ZFHX3: variants seen among roughly 807,000 people sequenced by gnomAD.
ZFHX3 encodes the protein zinc finger homeobox protein 3.
Under a neutral mutation model 279.1 loss-of-function variants are expected in ZFHX3, and 42 were observed. The observed-to-expected ratio is 0.15, with a 90% CI of 0.12 to 0.19. The LOEUF (loss-of-function observed/expected upper bound fraction) is 0.19. ZFHX3 is among the 10% of genes least tolerant of loss of function. ZFHX3 has a pLI of 1.00. For synonymous variants in ZFHX3, 2,293 were observed against 1,957.8 expected, an observed-to-expected ratio of 1.17 and a Z score of -4.52; for missense variants, 4,981 against 4,754.0, an observed-to-expected ratio of 1.05 and a Z score of -1.40.
chr16:73,062,704 T>C (rs914146881), upstream of ZFHX3, among the ~76,000 whole-genome samples: 7 of 141,414 alleles, frequency 4.9e-5, no homozygotes, highest in African/African-American at 1.1e-4. Context: ...TGCAGGGAGA[T>C]TGGGGACACA....
chr16:72,820,658 C>T (rs1174508296), intron 5 of ZFHX3, among the ~76,000 whole-genome samples: 3 of 152,170 alleles, frequency 2.0e-5, no homozygotes, highest in African/African-American at 7.2e-5. Flanking sequence ...GCTGTCTTCC[C>T]CTGGCATAGC....
intron 5 of ZFHX3, among the ~76,000 whole-genome samples, chr16:73,185,425 AC>A (rs1941917995): frequency 6.6e-6 from 1 of 152,192 alleles, no homozygotes; most frequent in Admixed American, 6.5e-5. Context: ...AAAGGGCGGA[AC>A]CCAAGTCTAA....
At chr16:73,494,537 C>T (rs2019105852) in intron 2 of ZFHX3, among the ~76,000 whole-genome samples, 1 of 152,026 alleles carries the variant, frequency 6.6e-6, no homozygotes, top group African/African-American at 2.4e-5. Context: ...ATTAAAACTC[C>T]CCAACCCAGG....
intron 1 of ZFHX3, among the ~76,000 whole-genome samples, chr16:73,057,548 A>G (rs77635810): frequency 0.044 from 6,570 of 149,600 alleles, 148 homozygotes; most frequent in African/African-American, 0.065. Context: ...AAAAAAAAAA[A>G]AAGAAGAAGA....
At chr16:73,259,533 A>T (rs2013758446) in intron 4 of ZFHX3, among the ~76,000 whole-genome samples, 1 of 152,214 alleles carries the variant, frequency 6.6e-6, no homozygotes, top group Admixed American at 6.5e-5. Context: ...TCCTGGTGTA[A>T]TATACGAATG....
intron 4 of ZFHX3, among the ~76,000 whole-genome samples, chr16:72,888,814 G>T (rs557985469): frequency 6.6e-6 from 1 of 152,302 alleles, no homozygotes; most frequent in Admixed American, 6.5e-5. Context: ...GTTGTAGGAG[G>T]TTGAGACATG....
In ZFHX3 at chr16:72,825,430, G is replaced by A. The variant is rs978579990; in HGVS notation, c.3529+4349C>T. Among the ~76,000 whole-genome samples, 19 of 152,218 alleles carry A rather than the reference G, an allele frequency of 1.2e-4. 1 individual carries two copies. Among genetic ancestry groups the A allele is most frequent in the Admixed American group, 1.0e-3 (16 of 15,280 alleles). On this transcript the variant is annotated intron_variant, in intron 5 of 9. Coordinates refer to ENST00000268489, the MANE Select transcript of ZFHX3 (RefSeq NM_006885.4). Reference sequence around the variant, plus strand: ...AGAGATGGTATATTGGTAAGAGCTTGGGCTCTGTCCTAAGTTAGAATAAGT... The same window carrying A: ...AGAGATGGTATATTGGTAAGAGCTTAGGCTCTGTCCTAAGTTAGAATAAGT...
At chr16:73,776,766 G>A (rs984288162) in intron 1 of ZFHX3, among the ~76,000 whole-genome samples, 2 of 152,124 alleles carry the variant, frequency 1.3e-5, no homozygotes, top group African/African-American at 4.8e-5. Flanking sequence ...AGCCATGATT[G>A]CAAATAAAGG....
intron 5 of ZFHX3, chr16:72,829,573 C>T: frequency 1.9e-6 from 1 of 536,902 alleles, no homozygotes; most frequent in Non-Finnish European, 3.3e-6. Context: ...TTAAAAACTA[C>T]AGTATAATGT....
At chr16:73,131,512 G>T (rs1477030334) in intron 6 of ZFHX3, among the ~76,000 whole-genome samples, 2 of 152,180 alleles carry the variant, frequency 1.3e-5, no homozygotes, top group African/African-American at 4.8e-5. Flanking sequence ...AGTCAGACAG[G>T]GTACTTTTAA....
At chr16:73,173,008 G>GTTTTTTTTTTTTTTTTTTTT (rs869289153) in intron 5 of ZFHX3, among the ~76,000 whole-genome samples, 29 of 49,916 alleles carry the variant, frequency 5.8e-4, no homozygotes, top group East Asian at 2.1e-3. Flanking sequence ...TTTTTTTTTT[G>GTTTTTTTTTTTTTTTTTTTT]TTTTTTTTTT....
chr16:73,889,459 C>G (rs1209169405), intron 1 of ZFHX3, among the ~76,000 whole-genome samples: 1 of 152,084 alleles, frequency 6.6e-6, no homozygotes, highest in Non-Finnish European at 1.5e-5. Context: ...CAGTGCATCT[C>G]CCAGAGAATG....
At chr16:73,431,065 A>C (rs2017902060) in intron 3 of ZFHX3, among the ~76,000 whole-genome samples, 1 of 152,212 alleles carries the variant, frequency 6.6e-6, no homozygotes, top group African/African-American at 2.4e-5. Context: ...ACATCTAATT[A>C]CAGAGAAAGA....
At chr16:73,832,247 G>T (rs1422424432) in intron 1 of ZFHX3, among the ~76,000 whole-genome samples, 2 of 147,852 alleles carry the variant, frequency 1.4e-5, no homozygotes, top group Admixed American at 6.8e-5. Flanking sequence ...ATTGGTTTTT[G>T]ACCCAGGTGG....
At chr16:72,940,201 C>T (rs539150165) in intron 3 of ZFHX3, among the ~76,000 whole-genome samples, 1 of 152,258 alleles carries the variant, frequency 6.6e-6, no homozygotes, top group East Asian at 1.9e-4. Flanking sequence ...TGAGCCATGG[C>T]CCCAAACAAG....
rs768699130 is a variant in ZFHX3 at position 72,844,915 on chromosome 16, G to C, written c.3449-15056C>G. Among the ~76,000 whole-genome samples the C allele has an allele frequency of 1.0e-3, 148 of 147,794 alleles. 1 individual carries two copies. The highest frequency in any genetic ancestry group is 2.7e-4 in the Non-Finnish European group (18 of 67,322). On this transcript the variant is annotated intron_variant, in intron 4 of 9. Coordinates refer to ENST00000268489, the MANE Select transcript of ZFHX3 (RefSeq NM_006885.4). ...ATGAATGAAATGCTATTTCAATTAA[G>C]TCCTGTAGTAACAGTGCTCCCCTTC...
At chr16:73,691,483 T>A (rs1455735149) in intron 1 of ZFHX3, among the ~76,000 whole-genome samples, 1 of 152,230 alleles carries the variant, frequency 6.6e-6, no homozygotes, top group Non-Finnish European at 1.5e-5. Flanking sequence ...AAATATGGAT[T>A]TAAATCCTGG....
At chr16:73,268,904 C>T (rs2014062441) in intron 4 of ZFHX3, among the ~76,000 whole-genome samples, 1 of 152,070 alleles carries the variant, frequency 6.6e-6, no homozygotes, top group Non-Finnish European at 1.5e-5. Flanking sequence ...GGGTGGGCCC[C>T]GGGGACACTC....
intron 1 of ZFHX3, among the ~76,000 whole-genome samples, chr16:73,727,930 T>A (rs1013307496): frequency 1.3e-5 from 2 of 151,574 alleles, no homozygotes; most frequent in Admixed American, 1.3e-4. Context: ...CTGTGTAATA[T>A]CGTAGCCACT....
Sources: allele counts gnomAD v4.1 joint callset (sites outside exome capture counted in the v4.1 genomes callset), GRCh38; gene constraint gnomAD v4.1.1; transcripts MANE v1.5; gene names NCBI Gene and HGNC (gene_info 2026-07-23, HGNC 2026-07-21).